GRM7: variants seen among roughly 807,000 people sequenced by gnomAD.
GRM7 encodes the protein glutamate metabotropic receptor 7.
In GRM7, 35 loss-of-function variants were observed where a neutral mutation model predicts 84.5. That is an observed-to-expected ratio of 0.41 (90% CI 0.32 to 0.55). The LOEUF (loss-of-function observed/expected upper bound fraction) is 0.55, where lower values mean the gene tolerates loss of function less well. Among genes scored for constraint, GRM7 ranks in the 20% least tolerant of loss-of-function variants. GRM7 has a pLI of 0.19. For synonymous variants in GRM7, 487 were observed against 455.1 expected, an observed-to-expected ratio of 1.07 and a Z score of -0.89; for missense variants, 1,003 against 1,194.6, an observed-to-expected ratio of 0.84 and a Z score of 2.36.
At chr3:7,518,788 C>G (rs1700485894) in intron 7 of GRM7, among the ~76,000 whole-genome samples, 1 of 152,218 alleles carries the variant, frequency 6.6e-6, no homozygotes, top group Non-Finnish European at 1.5e-5. Flanking sequence ...TGTAATACCT[C>G]TAAATATAGG....
At chr3:7,326,833 C>CAAAA (rs369799542) in intron 4 of GRM7, among the ~76,000 whole-genome samples, 2 of 109,944 alleles carry the variant, frequency 1.8e-5, no homozygotes, top group Non-Finnish European at 3.7e-5. Context: ...AACTCCGTCT[C>CAAAA]AAAAAAAAAA....
intron 1 of GRM7, among the ~76,000 whole-genome samples, chr3:7,121,333 TCATCCATCCATCCATC>T (rs71307751): frequency 3.3e-4 from 50 of 149,562 alleles, no homozygotes; most frequent in South Asian, 1.3e-3. Context: ...ATCCATCTAT[TCATCCATCCATCCATC>T]CATCCATCCA....
At chr3:7,395,789 A>G (rs1695188640) in intron 4 of GRM7, among the ~76,000 whole-genome samples, 1 of 152,150 alleles carries the variant, frequency 6.6e-6, no homozygotes, top group South Asian at 2.1e-4. Flanking sequence ...TTTATAAATT[A>G]CCTAGTCTCA....
intron 2 of GRM7, among the ~76,000 whole-genome samples, chr3:7,193,216 T>C (rs114865769): frequency 2.0e-5 from 3 of 152,098 alleles, no homozygotes; most frequent in Non-Finnish European, 2.9e-5. Flanking sequence ...GATAGGTAGA[T>C]AGCTGAATGA....
chr3:7,565,802 G>A (rs1052069843), intron 7 of GRM7, among the ~76,000 whole-genome samples: 7 of 152,168 alleles, frequency 4.6e-5, no homozygotes, highest in African/African-American at 1.7e-4. Flanking sequence ...TTGCTGAAGA[G>A]GGTTTGGTAG....
At chr3:7,050,402 A>G (rs898148007) in intron 1 of GRM7, among the ~76,000 whole-genome samples, 2 of 151,902 alleles carry the variant, frequency 1.3e-5, no homozygotes, top group Non-Finnish European at 2.9e-5. Flanking sequence ...TGAGTGACTC[A>G]AAGTCATAAG....
chr3:6,925,444 A>G (rs1697265729), intron 1 of GRM7, among the ~76,000 whole-genome samples: 1 of 107,114 alleles, frequency 9.3e-6, no homozygotes, highest in African/African-American at 3.4e-5. Context: ...CCAAAATCGA[A>G]TCAATCAATC....
chr3:7,214,803 T>C (rs907111835), intron 2 of GRM7, among the ~76,000 whole-genome samples: 27 of 152,186 alleles, frequency 1.8e-4, no homozygotes. Flanking sequence ...GTTTGTTTTT[T>C]TTGTTGTTGG....
chr3:6,985,682 C>G (rs910787536), intron 1 of GRM7, among the ~76,000 whole-genome samples: 13 of 152,170 alleles, frequency 8.5e-5, no homozygotes, highest in Admixed American at 7.9e-4. Flanking sequence ...CTCCACTTCT[C>G]TTTTCACTAT....
chr3:6,900,507 T>C (rs1696344669), intron 1 of GRM7, among the ~76,000 whole-genome samples: 1 of 152,164 alleles, frequency 6.6e-6, no homozygotes, highest in Admixed American at 6.5e-5. Flanking sequence ...AGATAACCTT[T>C]GCCCTGAATA....
At chr3:7,276,805 T>TCCTTCCTTCCCTTCCTCCCTCCCTCC (rs1699086677) in intron 2 of GRM7, among the ~76,000 whole-genome samples, 1 of 1,346 alleles carries the variant, frequency 7.4e-4, no homozygotes, top group African/African-American at 8.7e-4. Flanking sequence ...CTTCCTTCCT[T>TCCTTCCTTCCCTTCCTCCCTCCCTCC]TTTGGTGGTG....
chr3:7,727,731 C>G (rs187994814), intron 9 of GRM7, among the ~76,000 whole-genome samples: 33 of 152,262 alleles, frequency 2.2e-4, no homozygotes, highest in African/African-American at 7.5e-4. Flanking sequence ...CATCTTACTC[C>G]CTCTGTATCC....
At chr3:6,898,119 G>T (rs922653088) in intron 1 of GRM7, among the ~76,000 whole-genome samples, 4 of 152,174 alleles carry the variant, frequency 2.6e-5, no homozygotes, top group African/African-American at 9.7e-5. Context: ...GACATCCAGG[G>T]CACAGAGCTG....
rs760811445 is a variant in GRM7 at position 7,539,649 on chromosome 3, TG to T, written c.1516-38770del. Among the ~76,000 whole-genome samples the T allele has an allele frequency of 1.4e-4, 18 of 130,390 alleles. 1 individual carries two copies. The highest frequency in any genetic ancestry group is 7.4e-4 in the Admixed American group (8 of 10,842). 85.5% of individuals were successfully genotyped at this position (130,390 alleles called of 152,430 possible). A position where few individuals can be genotyped will look rare whatever the true frequency, so the allele number is the denominator to read the frequency against. On this transcript the variant is annotated intron_variant, in intron 7 of 9. Coordinates refer to ENST00000357716, the MANE Select transcript of GRM7 (RefSeq NM_000844.4). ...GAGATCGCGCCACTGCACTCCAGCC[TG>T]GGCGACAGAGCAAGACTCTGTCTCA...
rs1279347163 is a variant in GRM7 at position 6,963,944 on chromosome 3, T to C, written c.519+102037T>C. On this transcript the variant is annotated intron_variant, in intron 1 of 9. Coordinates refer to ENST00000357716, the MANE Select transcript of GRM7 (RefSeq NM_000844.4). ...TAAAAGCTTGTTTTTGACACTTTAA[T>C]GCCTTCAAGCTACTGCCTTCATTTC... is the stretch of plus-strand genomic sequence containing the variant. Among the ~76,000 whole-genome samples, 3 of 152,216 alleles carry C rather than the reference T, an allele frequency of 2.0e-5. No individual in the cohort carries two copies. The East Asian group carries it at 5.8e-4, about 29-fold the overall frequency.
chr3:7,282,794 C>T (rs1057304329), intron 2 of GRM7, among the ~76,000 whole-genome samples: 1 of 152,024 alleles, frequency 6.6e-6, no homozygotes, highest in East Asian at 1.9e-4. Context: ...TGATATATAC[C>T]GTGGGATGTT....
intron 2 of GRM7, among the ~76,000 whole-genome samples, chr3:7,259,079 A>G (rs1698312417): frequency 6.6e-6 from 1 of 152,168 alleles, no homozygotes; most frequent in African/African-American, 2.4e-5. Context: ...GGTATAAATG[A>G]TTTGTGATCA....
Position 7,117,229 on chromosome 3 carries a change from A to G in GRM7, c.520-29223A>G, listed in dbSNP as rs115350634. Among the ~76,000 whole-genome samples, 860 of 152,260 alleles carry G rather than the reference A, an allele frequency of 5.6e-3. 5 individuals carry two copies. Among genetic ancestry groups the G allele is most frequent in the African/African-American group, 0.018 (757 of 41,566 alleles). On this transcript the variant is annotated intron_variant, in intron 1 of 9. Transcript: ENST00000357716. ...TGCTGTGTTGTGTCCTGGCACTAAG[A>G]TTCCCACCACCTCATGAGTCAGATG...
At chr3:7,311,975 C>T (rs1372907643) in intron 4 of GRM7, among the ~76,000 whole-genome samples, 1 of 152,128 alleles carries the variant, frequency 6.6e-6, no homozygotes, top group Non-Finnish European at 1.5e-5. Context: ...AATGCTTTTA[C>T]CTGTAAGAAA....
Sources: allele counts gnomAD v4.1 joint callset (sites outside exome capture counted in the v4.1 genomes callset), GRCh38; gene constraint gnomAD v4.1.1; transcripts MANE v1.5; gene names NCBI Gene and HGNC (gene_info 2026-07-23, HGNC 2026-07-21).